GAK: variants seen among roughly 807,000 people sequenced by gnomAD.
GAK encodes cyclin G associated kinase, also known as cyclin-G-associated kinase.
Under a neutral mutation model 143.9 loss-of-function variants are expected in GAK, and 79 were observed. The observed-to-expected ratio is 0.55, with a 90% CI of 0.46 to 0.66. The LOEUF (loss-of-function observed/expected upper bound fraction) is 0.66. Ranked by LOEUF, GAK falls within the 30% of genes least tolerant of loss-of-function variation. The pLI is 0.00. For missense variants in GAK, 1,693 were observed against 1,779.7 expected (o/e 0.95, Z 0.88); for synonymous variants, 881 against 765.5 (o/e 1.15, Z -2.49).
chr4:875,827 A>T (rs1366288915), intron 18 of GAK, among the ~76,000 whole-genome samples: 1 of 152,204 alleles, frequency 6.6e-6, no homozygotes, highest in Non-Finnish European at 1.5e-5. Flanking sequence ...CTGTAATCCC[A>T]GCTACTCAGG....
Position 859,312 on chromosome 4 carries a change from C to A in GAK, c.3283+294G>T, listed in dbSNP as rs994386134. 31 of 1,339,414 alleles carry A rather than the reference C, an allele frequency of 2.3e-5. No homozygotes were observed. In the African/African-American group the frequency reaches 4.2e-4, roughly 18 times the overall value. The allele number at this position is 1,339,414 out of a possible 1,614,324, so 83.0% of individuals were successfully genotyped here. ...TACACCCCACTTCCATGCAGAGACCCCGCCTCCCCGATGGCCCCCATGGCC... is the reference window on the plus strand; with the variant it reads ...TACACCCCACTTCCATGCAGAGACCACGCCTCCCCGATGGCCCCCATGGCC... On this transcript the variant is annotated intron_variant, in intron 24 of 27. Coordinates refer to ENST00000314167, the MANE Select transcript of GAK (RefSeq NM_005255.4).
chr4:876,286 G>A (rs550268360), intron 18 of GAK, among the ~76,000 whole-genome samples: 5 of 152,232 alleles, frequency 3.3e-5, no homozygotes, highest in African/African-American at 9.6e-5. Flanking sequence ...GCCACGCCCG[G>A]GTGTGAGGGC....
intron 23 of GAK, among the ~76,000 whole-genome samples, chr4:864,802 T>C (rs1469353999): frequency 6.6e-6 from 1 of 152,002 alleles, no homozygotes; most frequent in Non-Finnish European, 1.5e-5. Context: ...CCACAGAGTG[T>C]GGGGCATGAA....
intron 10 of GAK, 83 bp from the exon 11 acceptor site, chr4:889,053 C>T: frequency 6.8e-7 from 1 of 1,461,876 alleles, no homozygotes; most frequent in South Asian, 1.3e-5. Flanking sequence ...GCCCAGGCCC[C>T]AGGCGCTCGG....
intron 5 of GAK, among the ~76,000 whole-genome samples, chr4:902,368 G>A (rs1034411451): frequency 1.3e-5 from 2 of 151,914 alleles, no homozygotes; most frequent in Non-Finnish European, 2.9e-5. Context: ...CCTTTCAGAG[G>A]CTGAGGCGGG....
At position 865,132 on chromosome 4, in the gene GAK, T is replaced by C. The variant is rs1257239440; in HGVS notation, c.3156A>G (p.Pro1052=). 6.2e-7 allele frequency: 1 copy of C among 1,609,032 alleles called. No homozygotes were observed. The highest frequency in any genetic ancestry group is 1.1e-5 in the South Asian group (1 of 91,000). Residue 1052 remains proline (P), a synonymous_variant, in exon 23 of 28, where the codon CCA becomes CCG. Transcript: ENST00000314167. ...GGGTGGTGGCCATACCTTCTGTGGC[T>C]GGCGTGGGGGCCACTGCCGATGCTG... ...ETAASAVAPT[P]ATEGPLFSPG...
chr4:908,413 AG>A (rs938335208), intron 4 of GAK, among the ~76,000 whole-genome samples: 5 of 152,200 alleles, frequency 3.3e-5, no homozygotes, highest in African/African-American at 1.2e-4. Flanking sequence ...CAGCGATCCC[AG>A]CGCCTCAGGA....
In GAK at chr4:907,268, C is replaced by T. The variant is rs544841674; in HGVS notation, c.383-2489G>A. Among the ~76,000 whole-genome samples, 159 of 152,354 alleles carry T rather than the reference C, an allele frequency of 1.0e-3. No homozygotes were observed. The Middle Eastern group carries it at 0.02, about 20-fold the overall frequency. ...CCAGCTGAGGGGCCCTCCCACTCCC[C>T]CAGCTCTGCCGGCCCTGGCCCTCAA... On this transcript the variant is annotated intron_variant, in intron 4 of 27. Coordinates refer to ENST00000314167, the MANE Select transcript of GAK (RefSeq NM_005255.4).
In GAK at chr4:909,814, C is replaced by T. The variant is rs114759489; in HGVS notation, c.382+1859G>A. Among the ~76,000 whole-genome samples, 1,042 of 152,316 alleles carry T rather than the reference C, an allele frequency of 6.8e-3. 12 individuals are homozygous for T. Among genetic ancestry groups the T allele is most frequent in the African/African-American group, 0.023 (966 of 41,556 alleles). ...CCCCTTGTGCTGCCTTCAACTTTTC[C>T]GCCAGTTTGACGTTTCAGAACACAA... On this transcript the variant is annotated intron_variant, in intron 4 of 27. Transcript: ENST00000314167.
intron 18 of GAK, among the ~76,000 whole-genome samples, chr4:875,848 G>A (rs981308363): frequency 1.3e-5 from 2 of 152,218 alleles, no homozygotes; most frequent in Admixed American, 6.5e-5. Flanking sequence ...AGGCTGAGGC[G>A]AGAGAATCGC....
chr4:881,798 C>G lies in GAK; in HGVS notation c.1661+109G>C. On this transcript the variant is annotated intron_variant, in intron 15 of 27. Coordinates refer to ENST00000314167, the MANE Select transcript of GAK (RefSeq NM_005255.4). Reference sequence around the variant, plus strand: ...GCGAGGCCGGGCCTGCCTTTCCCACCAGCGCCTGCAGCGGCACCGACTGGC... The same window carrying G: ...GCGAGGCCGGGCCTGCCTTTCCCACGAGCGCCTGCAGCGGCACCGACTGGC... 9.1e-6 allele frequency: 12 copies of G among 1,321,414 alleles called. No individual in the cohort carries two copies. In the South Asian group the frequency reaches 1.9e-4, roughly 20 times the overall value. The allele number at this position is 1,321,414 out of a possible 1,614,324, so 81.9% of individuals were successfully genotyped here.
chr4:896,807 T>C (rs1718890937), intron 6 of GAK, among the ~76,000 whole-genome samples: 1 of 152,224 alleles, frequency 6.6e-6, no homozygotes, highest in Non-Finnish European at 1.5e-5. Context: ...CCGTGCTTCA[T>C]GGCATGTCGG....
At chr4:886,163 G>A (rs1195850335) in intron 11 of GAK, 1 of 152,274 alleles carries the variant, frequency 6.6e-6, no homozygotes, top group African/African-American at 2.4e-5. Context: ...CACGTGATGT[G>A]AACAGAAGGC....
Position 877,709 on chromosome 4 carries a change from A to G in GAK, c.1762T>C (p.Phe588Leu). ...RAVVMTPVPL[F>L]SKQRSGCRPF... ...CTGCAGCCGCTCCTCTGCTTGCTGA[A>G]CAGCGGCACGGGTGTCATGACCACG... The change falls in exon 16 of 28, where the codon TTC becomes CTC. Residue 588 changes from phenylalanine (F) to leucine (L), a missense_variant. Transcript: ENST00000314167. 6.2e-7 allele frequency: 1 copy of G among 1,613,396 alleles called. No homozygotes were observed. Among genetic ancestry groups the G allele is most frequent in the Non-Finnish European group, 8.5e-7 (1 of 1,179,906 alleles).
chr4:894,337 T>G (rs1452902562), intron 7 of GAK: 4 of 164,998 alleles, frequency 2.4e-5, no homozygotes, highest in Non-Finnish European at 3.6e-5. Context: ...CACCCAGGCC[T>G]GCGGGGAATG....
chr4:868,538 C>T lies in GAK; in HGVS notation c.2395+1G>A, dbSNP rs1243801375. The T allele has an allele frequency of 1.2e-6, 2 of 1,605,138 alleles. No homozygotes were observed. The highest frequency in any genetic ancestry group is 8.5e-7 in the Non-Finnish European group (1 of 1,178,324). ...TGGCCAGGTCCAGGGACGCTGCCTACCCTGCCAGTCCAGCGTGTGCAGGAA... is the reference window on the plus strand; with the variant it reads ...TGGCCAGGTCCAGGGACGCTGCCTATCCTGCCAGTCCAGCGTGTGCAGGAA... On this transcript the variant is annotated splice_donor_variant, in intron 20 of 27. Coordinates refer to ENST00000314167, the MANE Select transcript of GAK (RefSeq NM_005255.4). LOFTEE classifies it high-confidence loss of function.
At chr4:880,388 C>T (rs956419046) in intron 15 of GAK, among the ~76,000 whole-genome samples, 2 of 152,264 alleles carry the variant, frequency 1.3e-5, no homozygotes, top group Non-Finnish European at 2.9e-5. Context: ...CAGTTTCCCC[C>T]AGAGTCACAG....
intron 23 of GAK, among the ~76,000 whole-genome samples, chr4:863,884 G>C (rs959164533): frequency 6.6e-6 from 1 of 152,104 alleles, no homozygotes; most frequent in African/African-American, 2.4e-5. Context: ...TTAGTTGGGC[G>C]TGGTGGCAGG....
rs35567795 is a variant in GAK, at chr4:922,514, CA to C, written c.146-8847del. 9.8e-3 allele frequency among the ~76,000 whole-genome samples: 619 copies of C among 62,930 alleles called. 3 individuals are homozygous for C. The highest frequency in any genetic ancestry group is 0.044 in the African/African-American group (570 of 13,078). 41.3% of individuals were successfully genotyped at this position (62,930 alleles called of 152,430 possible). On this transcript the variant is annotated intron_variant, in intron 1 of 27. Transcript: ENST00000314167. ...TGGGTGACAGAGCGAGACTCCATCTCAAAAAAAAAAAAAAAAAAAAGGCAGC... is the reference window on the plus strand; with the variant it reads ...TGGGTGACAGAGCGAGACTCCATCTCAAAAAAAAAAAAAAAAAAAGGCAGC...
Sources: allele counts gnomAD v4.1 joint callset (sites outside exome capture counted in the v4.1 genomes callset), GRCh38; gene constraint gnomAD v4.1.1; transcripts MANE v1.5; gene names NCBI Gene and HGNC (gene_info 2026-07-23, HGNC 2026-07-21).